The following ALDH1A2 variants were observed in gnomAD, a reference collection of about 807,000 sequenced individuals.
ALDH1A2 encodes the protein aldehyde dehydrogenase 1 family member A2, also known as retinal dehydrogenase 2.
In ALDH1A2, 27 loss-of-function variants were observed where a neutral mutation model predicts 60.3. That is an observed-to-expected ratio of 0.45 (90% CI 0.33 to 0.62). The LOEUF is 0.62. Among genes scored for constraint, ALDH1A2 ranks in the 20% least tolerant of loss-of-function variants. The pLI, the probability that ALDH1A2 is intolerant of heterozygous loss-of-function variation, is 0.02. For missense variants in ALDH1A2, 581 were observed against 643.8 expected, an observed-to-expected ratio of 0.90 and a Z score of 1.06; for synonymous variants, 289 against 232.4, an observed-to-expected ratio of 1.24 and a Z score of -2.21.
chr15:57,978,486 T>G (rs1282327025), intron 7 of ALDH1A2, among the ~76,000 whole-genome samples: 5 of 152,232 alleles, frequency 3.3e-5, no homozygotes, highest in African/African-American at 7.2e-5. Flanking sequence ...TATATTACAT[T>G]TATTGATCTG....
At chr15:57,966,287 G>A (rs1893896098) in intron 7 of ALDH1A2, among the ~76,000 whole-genome samples, 1 of 152,176 alleles carries the variant, frequency 6.6e-6, no homozygotes, top group African/African-American at 2.4e-5. Context: ...ATGCTCCAAA[G>A]AGACTATCAA....
intron 1 of ALDH1A2, among the ~76,000 whole-genome samples, chr15:58,056,872 G>T (rs1264339751): frequency 6.6e-6 from 1 of 152,060 alleles, no homozygotes; most frequent in Non-Finnish European, 1.5e-5. Flanking sequence ...AATTTAATAA[G>T]TATGAGAATC....
intron 4 of ALDH1A2, among the ~76,000 whole-genome samples, chr15:58,003,035 G>A (rs770461752): frequency 5.3e-5 from 8 of 151,910 alleles, no homozygotes; most frequent in Non-Finnish European, 1.2e-4. Context: ...TTTCTAAGAA[G>A]TTAGATTATG....
chr15:58,009,278 G>A (rs1469400867), intron 4 of ALDH1A2, among the ~76,000 whole-genome samples: 1 of 151,896 alleles, frequency 6.6e-6, no homozygotes, highest in Non-Finnish European at 1.5e-5. Flanking sequence ...CCAGAAGCTG[G>A]TTAGACATGC....
At chr15:57,991,352 C>T (rs1266843025) in intron 7 of ALDH1A2, 1 of 152,042 alleles carries the variant, frequency 6.6e-6, no homozygotes, top group East Asian at 1.9e-4. Context: ...ACAAATACAA[C>T]TAGAATAAAA....
chr15:58,012,043 G>GA (rs1895648367), intron 3 of ALDH1A2: 1 of 152,060 alleles, frequency 6.6e-6, no homozygotes, highest in Non-Finnish European at 1.5e-5. Flanking sequence ...TTCCAGTCAG[G>GA]AGCTCCCCTT....
At chr15:58,019,171 AAGTC>A (rs1393632136) in intron 1 of ALDH1A2, among the ~76,000 whole-genome samples, 1 of 152,178 alleles carries the variant, frequency 6.6e-6, no homozygotes. Flanking sequence ...AAAAGTTTAA[AAGTC>A]AGTGTCATCT....
intron 7 of ALDH1A2, among the ~76,000 whole-genome samples, chr15:57,967,082 T>C (rs1237616098): frequency 6.6e-6 from 1 of 152,110 alleles, no homozygotes; most frequent in Non-Finnish European, 1.5e-5. Flanking sequence ...CTGCAGTCCC[T>C]TGTTGAGATC....
intron 7 of ALDH1A2, chr15:57,979,998 G>A: frequency 3.0e-6 from 1 of 330,842 alleles, no homozygotes; most frequent in Non-Finnish European, 6.3e-6. Flanking sequence ...TCACCTGGCT[G>A]GCACAGTTAT....
intron 7 of ALDH1A2, among the ~76,000 whole-genome samples, chr15:57,985,039 T>A (rs1169698324): frequency 1.3e-5 from 2 of 152,230 alleles, no homozygotes; most frequent in African/African-American, 4.8e-5. Flanking sequence ...TTGTCGAGGA[T>A]TTTTCCATCT....
At position 58,062,402 on chromosome 15, in the gene ALDH1A2, G is replaced by C. The variant is rs114396687; in HGVS notation, c.117+3132C>G. ...GGAATACAGAGGACAAGTTTCCAAA[G>C]ACCTGGGAATCTGTTAAGAGATATC... On this transcript the variant is annotated intron_variant, in intron 1 of 12. Coordinates refer to ENST00000249750, the MANE Select transcript of ALDH1A2 (RefSeq NM_003888.4). 7.9e-3 allele frequency among the ~76,000 whole-genome samples: 1,198 copies of C among 152,262 alleles called. 15 individuals are homozygous for C. Among genetic ancestry groups the C allele is most frequent in the African/African-American group, 0.027 (1,109 of 41,540 alleles).
intron 1 of ALDH1A2, among the ~76,000 whole-genome samples, chr15:58,055,541 T>C (rs995716027): frequency 3.9e-5 from 6 of 151,904 alleles, no homozygotes; most frequent in African/African-American, 9.7e-5. Context: ...ATAAGTAATA[T>C]GAATGCTCAG....
rs556438130 is a variant in ALDH1A2 at position 57,996,369 on chromosome 15, C to CCT, written c.494-1232_494-1231dup. 6.0e-3 allele frequency among the ~76,000 whole-genome samples: 916 copies of CCT among 151,870 alleles called. 11 individuals carry two copies. Among genetic ancestry groups the CCT allele is most frequent in the African/African-American group, 0.021 (871 of 41,454 alleles). Reference sequence around the variant, plus strand: ...TCCTCTGGATCTCTGATCTCTACCCCCTCTTGCCATAATTATCTGTTTCCT... The same window carrying CCT: ...TCCTCTGGATCTCTGATCTCTACCCCCTCTCTTGCCATAATTATCTGTTTCCT... On this transcript the variant is annotated intron_variant, in intron 4 of 12. Coordinates refer to ENST00000249750, the MANE Select transcript of ALDH1A2 (RefSeq NM_003888.4).
chr15:58,040,496 T>G (rs1402104338), intron 1 of ALDH1A2, among the ~76,000 whole-genome samples: 1 of 151,928 alleles, frequency 6.6e-6, no homozygotes. Flanking sequence ...CCATTTCATT[T>G]CATCTAGATA....
intron 1 of ALDH1A2, among the ~76,000 whole-genome samples, chr15:58,027,360 G>A (rs1201917369): frequency 1.3e-5 from 2 of 152,078 alleles, no homozygotes; most frequent in South Asian, 2.1e-4. Context: ...CAACAAAAAC[G>A]ACATCCACAC....
intron 1 of ALDH1A2, among the ~76,000 whole-genome samples, chr15:58,027,983 T>C (rs768193960): frequency 1.3e-5 from 2 of 152,118 alleles, no homozygotes; most frequent in African/African-American, 4.8e-5. Flanking sequence ...CTTCAGGACA[T>C]TATCCAGGAG....
chr15:58,060,923 T>A (rs1225591615), intron 1 of ALDH1A2, among the ~76,000 whole-genome samples: 1 of 152,184 alleles, frequency 6.6e-6, no homozygotes, highest in African/African-American at 2.4e-5. Context: ...ATTTACTGAT[T>A]TTGTCATGGT....
intron 1 of ALDH1A2, among the ~76,000 whole-genome samples, chr15:58,019,431 G>A (rs74018814): frequency 1.4e-3 from 213 of 152,318 alleles, no homozygotes; most frequent in African/African-American, 4.9e-3. Flanking sequence ...GAATTAGTAT[G>A]AGGAAAAATG....
intron 4 of ALDH1A2, among the ~76,000 whole-genome samples, chr15:58,002,984 G>C (rs1365123127): frequency 1.2e-4 from 18 of 151,878 alleles, no homozygotes; most frequent in Admixed American, 1.2e-3. Flanking sequence ...ATGTTAGTAT[G>C]AAGTGTACTG....
Sources: gnomAD v4.1 joint callset for allele counts (sites outside exome capture counted in the v4.1 genomes callset) on GRCh38, gnomAD v4.1.1 for gene constraint, MANE v1.5 for transcripts, NCBI Gene and HGNC (gene_info 2026-07-23, HGNC 2026-07-21) for gene names.